VOPP1: variants seen among roughly 807,000 people sequenced by gnomAD.
VOPP1 encodes VOPP1 WW domain binding protein.
VOPP1 carries 8 observed loss-of-function variants against 23.5 expected under a neutral mutation model. The ratio of observed to expected loss-of-function variants is 0.34; its 90% CI spans 0.20 to 0.61. The LOEUF (loss-of-function observed/expected upper bound fraction) is 0.61. Ranked by LOEUF, VOPP1 falls within the 20% of genes least tolerant of loss-of-function variation. The pLI is 0.78. For synonymous variants in VOPP1, 83 were observed against 97.3 expected, an observed-to-expected ratio of 0.85 and a Z score of 0.86; for missense variants, 174 against 238.1, an observed-to-expected ratio of 0.73 and a Z score of 1.77.
intron 2 of VOPP1, among the ~76,000 whole-genome samples, chr7:55,518,280 A>T (rs1428762552): frequency 6.6e-6 from 1 of 152,226 alleles, no homozygotes; most frequent in Admixed American, 6.5e-5. Context: ...ATGCAGGGAA[A>T]GTGCTTCATG....
At chr7:55,536,773 G>C (rs1272929276) in intron 1 of VOPP1, among the ~76,000 whole-genome samples, 1 of 152,188 alleles carries the variant, frequency 6.6e-6, no homozygotes, top group East Asian at 1.9e-4. Context: ...CACAGGGGCG[G>C]CGTGCTGATC....
intron 3 of VOPP1, 117 bp from the exon 4 acceptor site, chr7:55,492,535 GCA>G: frequency 8.1e-7 from 1 of 1,238,572 alleles, no homozygotes; most frequent in Non-Finnish European, 1.1e-6. Flanking sequence ...ACTCCCAAAT[GCA>G]CGAGTCAGAA....
chr7:55,552,764 G>A lies in VOPP1; in HGVS notation c.54+19507C>T, dbSNP rs1295701735. 7 of 1,530,078 alleles carry A rather than the reference G, an allele frequency of 4.6e-6. No homozygotes were observed. In the Admixed American group the frequency reaches 7.9e-5, roughly 17 times the overall value. The allele number at this position is 1,530,078 out of a possible 1,614,324, so 94.8% of individuals were successfully genotyped here. A position where few individuals can be genotyped will look rare whatever the true frequency, so the allele number is the denominator to read the frequency against. On this transcript the variant is annotated intron_variant, in intron 1 of 4. Coordinates refer to ENST00000285279, the MANE Select transcript of VOPP1 (RefSeq NM_030796.5). Reference sequence around the variant, plus strand: ...CCGGCACACGGAGTTCACGCAGAGAGGCAGCAAGTGGAGCCTGTTCTCCTA... The same window carrying A: ...CCGGCACACGGAGTTCACGCAGAGAAGCAGCAAGTGGAGCCTGTTCTCCTA...
At chr7:55,489,699 G>A (rs941688199) in intron 4 of VOPP1, among the ~76,000 whole-genome samples, 6 of 152,212 alleles carry the variant, frequency 3.9e-5, no homozygotes, top group African/African-American at 9.6e-5. Context: ...GGCTGTGACT[G>A]TAGTTGTGAT....
chr7:55,538,253 T>A (rs1204951981), intron 1 of VOPP1, among the ~76,000 whole-genome samples: 1 of 152,230 alleles, frequency 6.6e-6, no homozygotes. Flanking sequence ...CCATCCCTTA[T>A]GCAGTCCGCA....
intron 4 of VOPP1, among the ~76,000 whole-genome samples, chr7:55,473,410 C>G (rs1238320674): frequency 2.0e-5 from 3 of 152,224 alleles, no homozygotes; most frequent in African/African-American, 7.2e-5. Context: ...TCCACAACCC[C>G]TCTGGGCACG....
downstream of VOPP1, among the ~76,000 whole-genome samples, chr7:55,466,175 A>G (rs1272673908): frequency 6.6e-6 from 1 of 152,188 alleles, no homozygotes; most frequent in African/African-American, 2.4e-5. Flanking sequence ...AGACTTCCGA[A>G]CAGCCTCCAG....
At chr7:55,516,937 T>TA (rs1795489196) in intron 2 of VOPP1, among the ~76,000 whole-genome samples, 1 of 55,228 alleles carries the variant, frequency 1.8e-5, no homozygotes, top group African/African-American at 6.7e-5. Context: ...TATATATTTT[T>TA]TTTTTTTTTT....
At position 55,538,446 on chromosome 7, in the gene VOPP1, A is replaced by G. The variant is rs141522340; in HGVS notation, c.55-17316T>C. ...CGTTCTTTGCTAACTTGATGCTCAA[A>G]TACCCTCTCAAAATCTAAACACAAG... On this transcript the variant is annotated intron_variant, in intron 1 of 4. Coordinates refer to ENST00000285279, the MANE Select transcript of VOPP1 (RefSeq NM_030796.5). Among the ~76,000 whole-genome samples the G allele has an allele frequency of 2.6e-5, 4 of 152,322 alleles. No individual in the cohort carries two copies. The East Asian group carries it at 7.7e-4, about 29-fold the overall frequency.
At chr7:55,552,285 G>A (rs953686873) in intron 1 of VOPP1, among the ~76,000 whole-genome samples, 2 of 152,326 alleles carry the variant, frequency 1.3e-5, no homozygotes, top group South Asian at 2.1e-4. Flanking sequence ...AGGTAATTTA[G>A]CTGATTTTAA....
rs779767831 is a variant in VOPP1 at position 55,521,054 on chromosome 7, A to G, written c.113+18T>C. The G allele has an allele frequency of 1.3e-6, 2 of 1,563,998 alleles. No homozygotes were observed. The highest frequency in any genetic ancestry group is 2.4e-5 in the South Asian group (2 of 84,598). ...GTATGGCCACAGAATGAAACCACAG[A>G]AAGGTGCAAATACTTACATATAATA... is the stretch of plus-strand genomic sequence containing the variant. On this transcript the variant is annotated intron_variant, in intron 2 of 4. Coordinates refer to ENST00000285279, the MANE Select transcript of VOPP1 (RefSeq NM_030796.5).
At chr7:55,497,349 G>A (rs534029103) in intron 3 of VOPP1, among the ~76,000 whole-genome samples, 28 of 152,320 alleles carry the variant, frequency 1.8e-4, no homozygotes, top group African/African-American at 6.0e-4. Flanking sequence ...TGAAGGATGA[G>A]GCTGTTGTCC....
intron 1 of VOPP1, among the ~76,000 whole-genome samples, chr7:55,545,401 T>C (rs1797322951): frequency 6.6e-6 from 1 of 152,036 alleles, no homozygotes; most frequent in Non-Finnish European, 1.5e-5. Context: ...AGGCCTGTCT[T>C]GATGTCAAGA....
At chr7:55,509,522 T>C (rs558607896) in intron 2 of VOPP1, among the ~76,000 whole-genome samples, 22 of 152,198 alleles carry the variant, frequency 1.4e-4, no homozygotes, top group Non-Finnish European at 2.9e-4. Flanking sequence ...CCCCACCTCT[T>C]AATACTAATA....
intron 3 of VOPP1, among the ~76,000 whole-genome samples, chr7:55,494,012 G>A (rs1232603861): frequency 6.6e-6 from 1 of 152,110 alleles, no homozygotes; most frequent in African/African-American, 2.4e-5. Flanking sequence ...GGGGAAGAAG[G>A]GGCATTCTGG....
chr7:55,476,146 C>T (rs1273903864), intron 4 of VOPP1, among the ~76,000 whole-genome samples: 1 of 152,330 alleles, frequency 6.6e-6, no homozygotes, highest in South Asian at 2.1e-4. Flanking sequence ...GCCTCCCAGC[C>T]GGGCTGCACT....
chr7:55,516,044 A>C, intron 2 of VOPP1: 1 of 985,378 alleles, frequency 1.0e-6, no homozygotes, highest in Non-Finnish European at 1.2e-6. Flanking sequence ...GCTCAACTCG[A>C]GGAGAGAATG....
In VOPP1 at chr7:55,472,948, G is replaced by A. The variant is rs756701331; in HGVS notation, c.426C>T (p.Pro142=). ...NSMAMAFQVP[P]NSPQGSVACP... Reference sequence around the variant, plus strand: ...AGGCCACACTCCCCTGGGGTGAGTTGGGTGGGACCTGGAAAGCCATTGCCA... The same window carrying A: ...AGGCCACACTCCCCTGGGGTGAGTTAGGTGGGACCTGGAAAGCCATTGCCA... Residue 142 remains proline (P), a synonymous_variant, in exon 5 of 5, where the codon CCC becomes CCT. Transcript: ENST00000285279. 3.8e-6 allele frequency: 6 copies of A among 1,585,770 alleles called. No homozygotes were observed. In the South Asian group the frequency reaches 4.6e-5, roughly 12 times the overall value.
intron 4 of VOPP1, among the ~76,000 whole-genome samples, chr7:55,449,231 C>A (rs1215322153): frequency 6.6e-6 from 1 of 152,208 alleles, no homozygotes; most frequent in Admixed American, 6.5e-5. Flanking sequence ...GTGCCTCAGG[C>A]GGTCCCGATC....
Sources: gnomAD v4.1 joint callset for allele counts (sites outside exome capture counted in the v4.1 genomes callset) on GRCh38, gnomAD v4.1.1 for gene constraint, MANE v1.5 for transcripts, NCBI Gene and HGNC (gene_info 2026-07-23, HGNC 2026-07-21) for gene names.